UBE2U: variants seen among roughly 807,000 people sequenced by gnomAD.
UBE2U encodes ubiquitin-conjugating enzyme E2 U.
UBE2U carries 39 observed loss-of-function variants against 41.2 expected under a neutral mutation model. That is an observed-to-expected ratio of 0.95 (90% CI 0.73 to 1.24). The LOEUF is 1.24. UBE2U is among the 50% of genes most tolerant of loss of function. UBE2U has a pLI of 0.00. For missense variants in UBE2U, 336 were observed against 363.1 expected, an observed-to-expected ratio of 0.93 and a Z score of 0.61; for synonymous variants, 107 against 117.8, an observed-to-expected ratio of 0.91 and a Z score of 0.60.
At chr1:64,256,872 T>G (rs1234448274) in intron 8 of UBE2U, among the ~76,000 whole-genome samples, 2 of 149,676 alleles carry the variant, frequency 1.3e-5, no homozygotes, top group Admixed American at 6.7e-5. Flanking sequence ...CCATCTGATG[T>G]CTATCCAGCA....
intron 6 of UBE2U, among the ~76,000 whole-genome samples, chr1:64,231,351 A>T (rs927952314): frequency 6.6e-5 from 10 of 152,168 alleles, no homozygotes; most frequent in African/African-American, 2.4e-4. Flanking sequence ...CAGCAAATTG[A>T]TCACAAGCTT....
chr1:64,218,684 T>G (rs1652197869), intron 5 of UBE2U, among the ~76,000 whole-genome samples: 1 of 152,234 alleles, frequency 6.6e-6, no homozygotes, highest in South Asian at 2.1e-4. Context: ...ATACTACTAT[T>G]GCTACCCACA....
intron 7 of UBE2U, among the ~76,000 whole-genome samples, chr1:64,239,111 GA>G (rs1168008675): frequency 3.7e-5 from 1 of 26,858 alleles, no homozygotes; most frequent in Admixed American, 3.3e-4. Flanking sequence ...AGAAGAAGAA[GA>G]AGAAGAAGAA....
chr1:64,231,267 A>T (rs1381704814), intron 6 of UBE2U, among the ~76,000 whole-genome samples: 1 of 151,992 alleles, frequency 6.6e-6, no homozygotes, highest in Admixed American at 6.6e-5. Context: ...AAGATGGTGT[A>T]TTTTTTTTCA....
chr1:64,216,034 T>C (rs1651987795), intron 5 of UBE2U, among the ~76,000 whole-genome samples: 1 of 152,220 alleles, frequency 6.6e-6, no homozygotes, highest in Admixed American at 6.5e-5. Context: ...GTACTTTTTC[T>C]CTCAGATTTA....
At chr1:64,247,056 C>T (rs977623893) in intron 8 of UBE2U, among the ~76,000 whole-genome samples, 4 of 152,060 alleles carry the variant, frequency 2.6e-5, no homozygotes, top group Non-Finnish European at 2.9e-5. Flanking sequence ...AAGGCCATTT[C>T]TGCTTTGTGA....
rs1238938752 is a variant in UBE2U at position 64,205,642 on chromosome 1, AT to A, written c.71del (p.Ile24ThrfsTer6). ...TAATTTTGTTTTTAACTTCAAGGGT[AT>A]CACTGCTAAGCCTGTAAGTGAAGAT... ...CDLKENNYKGITAKPVSEDMM... is the reference protein window; with the variant it reads ...CDLKENNYKGXTAKPVSEDMM... On this transcript the variant is annotated frameshift_variant, in exon 2 of 10. Transcript: ENST00000371077. LOFTEE classifies it high-confidence loss of function. The A allele has an allele frequency of 4.4e-5, 71 of 1,608,670 alleles. No individual in the cohort carries two copies. Among genetic ancestry groups the A allele is most frequent in the Admixed American group, 1.0e-4 (6 of 58,874 alleles).
intron 8 of UBE2U, among the ~76,000 whole-genome samples, chr1:64,256,831 TAA>T (rs1340571679): frequency 6.6e-6 from 1 of 150,726 alleles, no homozygotes; most frequent in Non-Finnish European, 1.5e-5. Context: ...ACAGACAACC[TAA>T]AGAAAGGGAG....
chr1:64,223,698 G>A (rs1472930272), intron 6 of UBE2U, among the ~76,000 whole-genome samples: 2 of 152,152 alleles, frequency 1.3e-5, no homozygotes, highest in African/African-American at 4.8e-5. Context: ...TGCTGGGGGA[G>A]CACAGAGGGA....
rs1320564630 is a variant in UBE2U, at chr1:64,204,050, C to T, written c.-1C>T. ...AAGTGTCAGACCCTCCGCTGCCTAT[C>T]ATGCACGGCAGAGCTTACCTCTTGC... On this transcript the variant is annotated 5_prime_UTR_variant, in exon 1 of 10. Transcript: ENST00000371077. 7 of 1,613,624 alleles carry T rather than the reference C, an allele frequency of 4.3e-6. No homozygotes were observed. Among genetic ancestry groups the T allele is most frequent in the Admixed American group, 1.7e-5 (1 of 59,964 alleles).
At chr1:64,231,793 G>A (rs911200714) in intron 6 of UBE2U, among the ~76,000 whole-genome samples, 1 of 152,130 alleles carries the variant, frequency 6.6e-6, no homozygotes, top group Non-Finnish European at 1.5e-5. Context: ...ACAGGCATAA[G>A]GCATATTGCA....
At chr1:64,205,611 C>T in intron 1 of UBE2U, 28 bp from the exon 2 acceptor site, 1 of 1,567,940 alleles carries the variant, frequency 6.4e-7, no homozygotes, top group Non-Finnish European at 8.7e-7. Context: ...TAAGTTTTTT[C>T]TGATTTAATT....
intron 3 of UBE2U, among the ~76,000 whole-genome samples, chr1:64,207,838 C>G (rs1651398211): frequency 6.6e-6 from 1 of 152,012 alleles, no homozygotes; most frequent in South Asian, 2.1e-4. Context: ...TCTCTACGGC[C>G]CAGGACATTA....
At chr1:64,239,132 G>GAA (rs1557730335) in intron 7 of UBE2U, among the ~76,000 whole-genome samples, 1 of 27,672 alleles carries the variant, frequency 3.6e-5, no homozygotes, top group Admixed American at 4.1e-4. Flanking sequence ...AGAAGAAGAA[G>GAA]AAGAAGAAGA....
chr1:64,244,477 C>T (rs1400868746), intron 8 of UBE2U: 1 of 171,178 alleles, frequency 5.8e-6, no homozygotes, highest in African/African-American at 2.4e-5. Context: ...AGAATAAAAA[C>T]AATCTGTTGG....
At chr1:64,213,293 T>C (rs1239738261) in intron 4 of UBE2U, among the ~76,000 whole-genome samples, 2 of 152,188 alleles carry the variant, frequency 1.3e-5, no homozygotes, top group South Asian at 2.1e-4. Flanking sequence ...ACCTTAGAAA[T>C]GGTCAGTCTC....
intron 9 of UBE2U, among the ~76,000 whole-genome samples, chr1:64,261,888 C>T (rs944022958): frequency 6.6e-6 from 1 of 152,186 alleles, no homozygotes; most frequent in Non-Finnish European, 1.5e-5. Flanking sequence ...TAGCTCAGCT[C>T]TGCTTATGTT....
rs564852980 is a variant in UBE2U, at chr1:64,205,716, G to T, written c.144G>T (p.Trp48Cys). 107 of 1,612,068 alleles carry T rather than the reference G, an allele frequency of 6.6e-5. No homozygotes were observed. In the South Asian group the frequency reaches 1.0e-3, roughly 15 times the overall value. ...TTGAAGGTCTACAGAATTCAGTTTG[G>T]CAGGGTTTGTATTTTCAAAACCAAT... Reference protein sequence around the residue: ...VEIEGLQNSVWQGLVFQLTIH... With the variant: ...VEIEGLQNSVCQGLVFQLTIH... The change falls in exon 2 of 10, where the codon TGG (tryptophan) becomes TGT (cysteine). Residue 48 changes from tryptophan (W) to cysteine (C), a missense_variant. Physicochemically the swap from Trp to Cys is radical, Grantham distance 215 (BLOSUM62 -2). Transcript: ENST00000371077.
chr1:64,251,625 C>T (rs1210196866), intron 8 of UBE2U, among the ~76,000 whole-genome samples: 8 of 152,042 alleles, frequency 5.3e-5, no homozygotes, highest in African/African-American at 1.9e-4. Flanking sequence ...CAACAAAATC[C>T]CCACCCCAAG....
Sources: allele counts gnomAD v4.1 joint callset (sites outside exome capture counted in the v4.1 genomes callset), GRCh38; gene constraint gnomAD v4.1.1; transcripts MANE v1.5; gene names NCBI Gene and HGNC (gene_info 2026-07-23, HGNC 2026-07-21).